The following GABBR2 variants were observed in gnomAD, a reference collection of about 807,000 sequenced individuals.
The protein encoded by GABBR2 is G-protein coupled receptor 51.
Under a neutral mutation model 105.6 loss-of-function variants are expected in GABBR2, and 23 were observed. The observed-to-expected ratio is 0.22, with a 90% CI of 0.16 to 0.31. The LOEUF (loss-of-function observed/expected upper bound fraction) is 0.31. GABBR2 is among the 10% of genes least tolerant of loss of function. GABBR2 has a pLI of 1.00. For missense variants in GABBR2, 734 were observed against 1,245.5 expected (o/e 0.59, Z 6.18); for synonymous variants, 478 against 499.7 (o/e 0.96, Z 0.58).
intron 11 of GABBR2, among the ~76,000 whole-genome samples, 196 bp downstream of exon 11, chr9:98,385,444 T>C (rs763631023): frequency 1.3e-5 from 2 of 152,164 alleles, no homozygotes; most frequent in African/African-American, 4.8e-5. Context: ...CTTAACTTTG[T>C]AGGTGGTATT....
intron 17 of GABBR2, among the ~76,000 whole-genome samples, chr9:98,298,127 G>A (rs1830412169): frequency 6.6e-6 from 1 of 150,470 alleles, no homozygotes; most frequent in East Asian, 1.9e-4. Flanking sequence ...AGTGAATACT[G>A]TTAGCAATTT....
intron 5 of GABBR2, among the ~76,000 whole-genome samples, chr9:98,480,605 G>C (rs888290039): frequency 2.6e-5 from 4 of 152,204 alleles, no homozygotes; most frequent in Admixed American, 6.5e-5. Context: ...CCTACCTACA[G>C]GGCAGGGAGG....
chr9:98,436,369 A>ACAC (rs1825919423), intron 7 of GABBR2, among the ~76,000 whole-genome samples: 1 of 15,712 alleles, frequency 6.4e-5, no homozygotes. Context: ...ATATATATAT[A>ACAC]TATATATATA....
At chr9:98,423,551 AG>A (rs902339149) in intron 7 of GABBR2, among the ~76,000 whole-genome samples, 1 of 152,134 alleles carries the variant, frequency 6.6e-6, no homozygotes, top group African/African-American at 2.4e-5. Flanking sequence ...CCCATTCTGT[AG>A]GTTGCCTGTT....
chr9:98,503,225 A>G (rs1265455703), intron 3 of GABBR2, among the ~76,000 whole-genome samples: 5 of 152,070 alleles, frequency 3.3e-5, no homozygotes, highest in African/African-American at 1.2e-4. Context: ...CTGTGACGGG[A>G]GGGAGCTGGT....
intron 7 of GABBR2, among the ~76,000 whole-genome samples, chr9:98,416,521 G>A (rs1354723608): frequency 6.6e-6 from 1 of 152,222 alleles, no homozygotes; most frequent in Non-Finnish European, 1.5e-5. Flanking sequence ...AGGTAGAGTG[G>A]AAGGGGATGA....
chr9:98,451,902 A>G (rs1346657861), intron 7 of GABBR2, among the ~76,000 whole-genome samples: 4 of 152,112 alleles, frequency 2.6e-5, no homozygotes, highest in Non-Finnish European at 5.9e-5. Context: ...ACTCCTGCCC[A>G]CAGTTCAAGG....
At chr9:98,492,097 G>GT (rs1350307881) in intron 4 of GABBR2, among the ~76,000 whole-genome samples, 1 of 151,906 alleles carries the variant, frequency 6.6e-6, no homozygotes, top group Non-Finnish European at 1.5e-5. Flanking sequence ...TGGGAAGTTT[G>GT]TTTTTTTCCT....
At chr9:98,320,836 G>A (rs1830807804) in intron 13 of GABBR2, among the ~76,000 whole-genome samples, 1 of 136,740 alleles carries the variant, frequency 7.3e-6, no homozygotes, top group African/African-American at 2.7e-5. Context: ...TGTGGTGTGG[G>A]GGGAGGGGGG....
chr9:98,508,024 C>T (rs1827548040), intron 3 of GABBR2, among the ~76,000 whole-genome samples: 2 of 152,218 alleles, frequency 1.3e-5, no homozygotes, highest in African/African-American at 4.8e-5. Flanking sequence ...AATTAGCCAT[C>T]AGACCTTATT....
At chr9:98,575,094 C>A (rs969533591) in intron 2 of GABBR2, among the ~76,000 whole-genome samples, 2 of 152,134 alleles carry the variant, frequency 1.3e-5, no homozygotes, top group Non-Finnish European at 2.9e-5. Context: ...ACCACCCCCC[C>A]CCAAATCTGC....
At chr9:98,597,435 C>T (rs1255183805) in intron 1 of GABBR2, among the ~76,000 whole-genome samples, 1 of 152,204 alleles carries the variant, frequency 6.6e-6, no homozygotes, top group Non-Finnish European at 1.5e-5. Flanking sequence ...GAAAATCCTG[C>T]ACACTTCACA....
At chr9:98,362,565 TG>T in intron 13 of GABBR2, 149 bp downstream of exon 13, 1 of 504,360 alleles carries the variant, frequency 2.0e-6, no homozygotes, top group Non-Finnish European at 3.2e-6. Context: ...TTGGCCTCCC[TG>T]GAATTACATG....
At chr9:98,573,960 G>T (rs1384176333) in intron 2 of GABBR2, among the ~76,000 whole-genome samples, 1 of 152,184 alleles carries the variant, frequency 6.6e-6, no homozygotes, top group African/African-American at 2.4e-5. Flanking sequence ...GGAATGCAGG[G>T]TGTAGCGGAG....
At chr9:98,567,394 C>T (rs1018850253) in intron 2 of GABBR2, among the ~76,000 whole-genome samples, 1 of 152,236 alleles carries the variant, frequency 6.6e-6, no homozygotes, top group Non-Finnish European at 1.5e-5. Context: ...ACCTCTGCTT[C>T]TCTGAAAACC....
intron 11 of GABBR2, among the ~76,000 whole-genome samples, chr9:98,372,588 A>T (rs553551243): frequency 5.1e-4 from 77 of 152,352 alleles, no homozygotes; most frequent in Admixed American, 2.0e-4. Context: ...TGCAGCAGAC[A>T]GCTCAGGCCC....
At chr9:98,684,169 T>TAAAAAAAAAAAAAA (rs3032196) in intron 1 of GABBR2, among the ~76,000 whole-genome samples, 9 of 66,140 alleles carry the variant, frequency 1.4e-4, no homozygotes, top group African/African-American at 5.0e-4. Flanking sequence ...TTTACCACGG[T>TAAAAAAAAAAAAAA]AAAAAAAAAA....
intron 1 of GABBR2, among the ~76,000 whole-genome samples, chr9:98,591,188 G>C (rs894970067): frequency 1.3e-5 from 2 of 152,222 alleles, no homozygotes; most frequent in African/African-American, 4.8e-5. Flanking sequence ...CATTTGAGCT[G>C]AGCCTTGCGA....
intron 7 of GABBR2, among the ~76,000 whole-genome samples, chr9:98,452,593 T>C (rs1203793387): frequency 6.6e-6 from 1 of 152,258 alleles, no homozygotes; most frequent in Non-Finnish European, 1.5e-5. Context: ...ATAGAATTTA[T>C]TGAGTGCCTG....
Sources: gnomAD v4.1 joint callset for allele counts (sites outside exome capture counted in the v4.1 genomes callset) on GRCh38, gnomAD v4.1.1 for gene constraint, MANE v1.5 for transcripts, NCBI Gene and HGNC (gene_info 2026-07-23, HGNC 2026-07-21) for gene names.